CHM: variants seen among roughly 807,000 people sequenced by gnomAD.
The protein encoded by CHM is CHM Rab escort protein, also known as rab proteins geranylgeranyltransferase component A 1.
CHM carries 10 observed loss-of-function variants against 49.0 expected under a neutral mutation model. The observed-to-expected ratio is 0.20, with a 90% CI of 0.13 to 0.35. The LOEUF (loss-of-function observed/expected upper bound fraction) is 0.35, where lower values mean the gene tolerates loss of function less well. CHM is among the 10% of genes least tolerant of loss of function. CHM has a pLI of 1.00. For synonymous variants in CHM, 184 were observed against 167.5 expected (o/e 1.10, Z -0.76); for missense variants, 455 against 478.4 (o/e 0.95, Z 0.46).
chrX:85,970,557 G>C, intron 4 of CHM: 1 of 432,287 alleles, frequency 2.3e-6, no homozygotes, highest in Non-Finnish European at 2.9e-6. Flanking sequence ...ATTTGGCTCT[G>C]CTATCTCTAG....
intron 8 of CHM, among the ~76,000 whole-genome samples, chrX:85,914,605 C>T (rs904492238): frequency 7.2e-5 from 8 of 110,929 alleles, no homozygotes; most frequent in African/African-American, 2.6e-4. Context: ...ACCACCACCA[C>T]ATCAGCGCCC....
chrX:85,893,852 T>G, intron 12 of CHM, among the ~76,000 whole-genome samples: 1 of 110,511 alleles, frequency 9.0e-6, no homozygotes, highest in Admixed American at 9.7e-5. Context: ...GCAGCCCAAA[T>G]GGACTAAGAA....
intron 12 of CHM, among the ~76,000 whole-genome samples, chrX:85,892,052 C>T (rs1214994534): frequency 9.0e-6 from 1 of 111,466 alleles, no homozygotes; most frequent in Non-Finnish European, 1.9e-5. Context: ...TTTGTTTTGG[C>T]CAATTTCTCC....
At chrX:85,982,560 T>A (rs1351455788) in intron 2 of CHM, among the ~76,000 whole-genome samples, 1 of 111,436 alleles carries the variant, frequency 9.0e-6, no homozygotes, top group Non-Finnish European at 1.9e-5. Flanking sequence ...TTGTAGACAT[T>A]AGATCATTAA....
At chrX:86,023,047 A>C (rs1569256043) in intron 2 of CHM, among the ~76,000 whole-genome samples, 1 of 111,026 alleles carries the variant, frequency 9.0e-6, no homozygotes, top group Non-Finnish European at 1.9e-5. Flanking sequence ...TCTGATTGCC[A>C]ATAGCTTCTT....
rs764351596 is a variant in CHM at position 85,969,216 on chromosome X, T to C, written c.315-5164A>G. On this transcript the variant is annotated intron_variant, in intron 4 of 14. Transcript: ENST00000357749. Reference sequence around the variant, plus strand: ...CCAGAAAAAGGGAAACAACGTTCAGTACAATGCAGAAAATAGGACAGAAAA... The same window carrying C: ...CCAGAAAAAGGGAAACAACGTTCAGCACAATGCAGAAAATAGGACAGAAAA... 4.1e-5 allele frequency: 30 copies of C among 736,748 alleles called. No individual in the cohort carries two copies. The African/African-American group carries it at 6.7e-4, about 17-fold the overall frequency. 60.7% of individuals were successfully genotyped at this position (736,748 alleles called of 1,213,427 possible). A position where few individuals can be genotyped will look rare whatever the true frequency, so the allele number is the denominator to read the frequency against.
chrX:86,017,930 A>T (rs1208929424), intron 2 of CHM, among the ~76,000 whole-genome samples: 1 of 112,120 alleles, frequency 8.9e-6, no homozygotes, highest in Non-Finnish European at 1.9e-5. Flanking sequence ...TTCAATTAAT[A>T]GATAACATAA....
chrX:86,025,932 G>A (rs1052544309), intron 2 of CHM, among the ~76,000 whole-genome samples: 4 of 109,965 alleles, frequency 3.6e-5, no homozygotes, highest in African/African-American at 6.6e-5. Flanking sequence ...TGACTAGCAC[G>A]TAGTGCAAGC....
intron 8 of CHM, among the ~76,000 whole-genome samples, chrX:85,940,827 T>A (rs945098473): frequency 7.2e-5 from 8 of 111,373 alleles, no homozygotes; most frequent in Non-Finnish European, 1.3e-4. Context: ...AATCTGAGAT[T>A]CCTATAACTT....
intron 8 of CHM, among the ~76,000 whole-genome samples, chrX:85,949,909 G>A (rs183119803): frequency 1.9e-3 from 188 of 97,319 alleles, no homozygotes; most frequent in African/African-American, 6.8e-3. Context: ...GGGAAACACT[G>A]ATCCCCATGT....
chrX:85,940,635 A>G (rs1171821044), intron 8 of CHM, among the ~76,000 whole-genome samples: 1 of 111,116 alleles, frequency 9.0e-6, no homozygotes, highest in Non-Finnish European at 1.9e-5. Context: ...GCAAAAAAAA[A>G]AAATGTAAAT....
chrX:85,923,604 AC>A (rs765511310), intron 8 of CHM, among the ~76,000 whole-genome samples: 35 of 112,413 alleles, frequency 3.1e-4, no homozygotes, highest in Non-Finnish European at 4.9e-4. Flanking sequence ...TCTACTATGT[AC>A]CAGGTATAAT....
intron 1 of CHM, among the ~76,000 whole-genome samples, chrX:86,033,215 G>A (rs991133884): frequency 9.5e-4 from 105 of 111,091 alleles, no homozygotes; most frequent in African/African-American, 3.3e-3. Context: ...ATGCTTACAC[G>A]AGATAAACAT....
At chrX:85,917,342 G>T (rs1389878193) in intron 8 of CHM, among the ~76,000 whole-genome samples, 3 of 111,003 alleles carry the variant, frequency 2.7e-5, no homozygotes, top group Non-Finnish European at 5.7e-5. Context: ...TAACTATAGG[G>T]TACTAGGCTT....
chrX:85,963,593 A>G, intron 5 of CHM, 72 bp downstream of exon 5: 1 of 886,431 alleles, frequency 1.1e-6, no homozygotes, highest in African/African-American at 1.9e-5. Context: ...TGCATCTCAG[A>G]GAATTACAAA....
Position 86,042,660 on chromosome X carries a change from T to TA in CHM, c.49+4823dup, listed in dbSNP as rs954723957. Among the ~76,000 whole-genome samples the TA allele has an allele frequency of 4.7e-3, 461 of 97,967 alleles. 3 individuals are homozygous for TA. The highest frequency in any genetic ancestry group is 0.014 in the African/African-American group (388 of 26,926). 85.1% of individuals were successfully genotyped at this position (97,967 alleles called of 115,157 possible). A position where few individuals can be genotyped will look rare whatever the true frequency, so the allele number is the denominator to read the frequency against. ...TAGGCAGACCCCATCTCTACAAAAA[T>TA]AAAAAAAAAAAAATTAGCCAGGCAT... On this transcript the variant is annotated intron_variant, in intron 1 of 14. Transcript: ENST00000357749.
At chrX:85,937,645 A>C (rs1378668508) in intron 8 of CHM, among the ~76,000 whole-genome samples, 2 of 109,539 alleles carry the variant, frequency 1.8e-5, no homozygotes, top group African/African-American at 6.7e-5. Flanking sequence ...GGAGTGCGAG[A>C]CCAGCCTGGG....
intron 6 of CHM, among the ~76,000 whole-genome samples, 200 bp downstream of exon 6, chrX:85,958,661 A>T (rs971932710): frequency 1.1e-4 from 12 of 111,722 alleles, no homozygotes; most frequent in African/African-American, 1.6e-4. Context: ...GCTGCTTGGT[A>T]CCAACACCAA....
intron 8 of CHM, among the ~76,000 whole-genome samples, chrX:85,947,134 G>C (rs779849314): frequency 8.9e-6 from 1 of 112,397 alleles, no homozygotes; most frequent in East Asian, 2.8e-4. Flanking sequence ...GTTAATGCTG[G>C]AATGAGTTAA....
Sources: allele counts gnomAD v4.1 joint callset (sites outside exome capture counted in the v4.1 genomes callset), GRCh38; gene constraint gnomAD v4.1.1; transcripts MANE v1.5; gene names NCBI Gene and HGNC (gene_info 2026-07-23, HGNC 2026-07-21).